The following FBXO42 variants were observed in gnomAD, a reference collection of about 807,000 sequenced individuals.
FBXO42 encodes the protein F-box protein 42.
A neutral mutation model predicts 71.7 loss-of-function variants in FBXO42; 12 were observed. The observed-to-expected ratio is 0.17, with a 90% CI of 0.11 to 0.27. The LOEUF is 0.27. Among genes scored for constraint, FBXO42 ranks in the 10% least tolerant of loss-of-function variants. FBXO42 has a pLI of 1.00. For synonymous variants in FBXO42, 325 were observed against 327.5 expected, an observed-to-expected ratio of 0.99 and a Z score of 0.08; for missense variants, 707 against 911.9, an observed-to-expected ratio of 0.78 and a Z score of 2.89.
intron 4 of FBXO42, among the ~76,000 whole-genome samples, chr1:16,279,456 G>A (rs920123815): frequency 3.3e-5 from 5 of 152,096 alleles, no homozygotes; most frequent in African/African-American, 1.2e-4. Flanking sequence ...AAACAAACAG[G>A]AAGAGATATC....
At chr1:16,349,819 T>G (rs1229134478) in intron 1 of FBXO42, among the ~76,000 whole-genome samples, 1 of 152,198 alleles carries the variant, frequency 6.6e-6, no homozygotes, top group African/African-American at 2.4e-5. Context: ...CCGAGATCAT[T>G]GCACTCCAGC....
chr1:16,269,844 G>GT (rs565131273), intron 4 of FBXO42, among the ~76,000 whole-genome samples: 258 of 136,370 alleles, frequency 1.9e-3, no homozygotes, highest in Non-Finnish European at 3.2e-3. Flanking sequence ...TGTTTTCTTT[G>GT]TTTTTTCTGT....
intron 3 of FBXO42, among the ~76,000 whole-genome samples, chr1:16,299,783 C>T (rs6603852): frequency 0.35 from 52,993 of 151,788 alleles, 9,721 homozygotes; most frequent in African/African-American, 0.41. Context: ...TAGTTTGGAC[C>T]ACAGGCACGC....
intron 4 of FBXO42, among the ~76,000 whole-genome samples, chr1:16,277,673 C>T (rs1047472003): frequency 3.4e-5 from 5 of 148,666 alleles, no homozygotes; most frequent in Admixed American, 2.0e-4. Context: ...TGCAATGAGC[C>T]GAAATTCGCC....
intron 1 of FBXO42, among the ~76,000 whole-genome samples, chr1:16,337,523 C>A (rs2082562205): frequency 6.6e-6 from 1 of 152,098 alleles, no homozygotes; most frequent in Admixed American, 6.6e-5. Flanking sequence ...TCATAGGACT[C>A]CATTTATTCT....
rs779738744 is a variant in FBXO42, at chr1:16,251,033, T to A, written c.1791A>T (p.Glu597Asp). Residue 597 changes from glutamate to aspartate, a missense_variant, in exon 10 of 10, where the codon GAA becomes GAT. By Grantham distance (45) the Glu-to-Asp change is conservative. Coordinates refer to ENST00000375592, the MANE Select transcript of FBXO42 (RefSeq NM_018994.3). The surrounding 1 kb of genome is among the most constrained non-coding windows in gnomAD (Gnocchi z 4.5). Reference sequence around the variant, plus strand: ...GCCCTGGGCGAGGGATGGGCACTGTTTCTCCACTGCTCAAACTCTGGCTCC... The same window carrying A: ...GCCCTGGGCGAGGGATGGGCACTGTATCTCCACTGCTCAAACTCTGGCTCC... ...SPGSQSLSSG[E>D]TVPIPRPGPA... The A allele has an allele frequency of 6.2e-7, 1 of 1,614,190 alleles. No individual in the cohort carries two copies. The highest frequency in any genetic ancestry group is 1.1e-5 in the South Asian group (1 of 91,086).
intron 2 of FBXO42, among the ~76,000 whole-genome samples, chr1:16,313,143 TC>T (rs1218644256): frequency 6.7e-6 from 1 of 149,846 alleles, no homozygotes; most frequent in African/African-American, 2.4e-5. Flanking sequence ...CTAAAAGTGC[TC>T]TTTAAAAAAA....
At chr1:16,322,836 T>C (rs1029311104) in intron 1 of FBXO42, among the ~76,000 whole-genome samples, 4 of 152,180 alleles carry the variant, frequency 2.6e-5, no homozygotes, top group East Asian at 1.9e-4. Flanking sequence ...AGATAGTAGA[T>C]ATCAAGAAAC....
chr1:16,305,920 C>T lies in FBXO42; in HGVS notation c.251-1G>A. On this transcript the variant is annotated splice_acceptor_variant, in intron 2 of 9. Transcript: ENST00000375592. LOFTEE classifies it high-confidence loss of function. ...CCATGATAACACTGATGGGCTACAC[C>T]TAAGACAGAAAGAGCAAACCCTTCA... 1.2e-6 allele frequency: 2 copies of T among 1,610,066 alleles called. No individual in the cohort carries two copies. The highest frequency in any genetic ancestry group is 1.7e-6 in the Non-Finnish European group (2 of 1,176,410).
Position 16,315,315 on chromosome 1 carries a change from ACTGGGT to A in FBXO42, c.98_103del (p.His33_Val35delinsLeu). The A allele has an allele frequency of 6.2e-7, 1 of 1,614,036 alleles. No individual in the cohort carries two copies. The highest frequency in any genetic ancestry group is 8.5e-7 in the Non-Finnish European group (1 of 1,180,010). On this transcript the variant is annotated inframe_deletion, in exon 2 of 10. Transcript: ENST00000375592. Reference sequence around the variant, plus strand: ...ATGTCTAGTCTCCTCAGCCTCCAATACTGGGTGGGGCTCCTCATCTTGATCCATTGT... The same window carrying A: ...ATGTCTAGTCTCCTCAGCCTCCAATAGGGGCTCCTCATCTTGATCCATTGT...
rs181921079 is a variant in FBXO42 at position 16,315,103 on chromosome 1, T to C, written c.250+66A>G. 7 of 1,519,996 alleles carry C rather than the reference T, an allele frequency of 4.6e-6. No homozygotes were observed. In the African/African-American group the frequency reaches 5.5e-5, roughly 12 times the overall value. The allele number at this position is 1,519,996 out of a possible 1,614,324, so 94.2% of individuals were successfully genotyped here. ...TTTAAGGGAGGAAAAAAACTAAATT[T>C]GGAGTCTAAAAATAAATCAGTGAAA... On this transcript the variant is annotated intron_variant, in intron 2 of 9. Coordinates refer to ENST00000375592, the MANE Select transcript of FBXO42 (RefSeq NM_018994.3).
chr1:16,350,757 A>AGAAAGAAAGAAAG (rs1553156684), intron 1 of FBXO42, among the ~76,000 whole-genome samples: 16 of 44,266 alleles, frequency 3.6e-4, no homozygotes, highest in Non-Finnish European at 6.2e-4. Flanking sequence ...AAAAAAAAAA[A>AGAAAGAAAGAAAG]AAAGAAAGAA....
intron 1 of FBXO42, among the ~76,000 whole-genome samples, chr1:16,321,784 C>T (rs1269450859): frequency 6.6e-6 from 1 of 151,906 alleles, no homozygotes; most frequent in Non-Finnish European, 1.5e-5. Context: ...CCTTGAACTC[C>T]TAGGCTCAAG....
chr1:16,247,563 CTTTAT>C lies in FBXO42; in HGVS notation c.*3102_*3106del, dbSNP rs931734420. 1.2e-4 allele frequency: 18 copies of C among 152,286 alleles called. No individual in the cohort carries two copies. The highest frequency in any genetic ancestry group is 4.1e-4 in the African/African-American group (17 of 41,552). The allele number at this position is 152,286 out of a possible 1,614,324, so 9.4% of individuals were successfully genotyped here. A position where few individuals can be genotyped will look rare whatever the true frequency, so the allele number is the denominator to read the frequency against. On this transcript the variant is annotated 3_prime_UTR_variant, in exon 10 of 10. Transcript: ENST00000375592. ...TTCTTCCTCCTCCTCCTCCTCTTTT[CTTTAT>C]TTTAAAGAGTTCCAACACAGTTCCT...
chr1:16,276,685 G>T (rs2081907358), intron 4 of FBXO42, among the ~76,000 whole-genome samples: 1 of 152,214 alleles, frequency 6.6e-6, no homozygotes, highest in South Asian at 2.1e-4. Flanking sequence ...CATATGAAAT[G>T]AAATTTATTG....
chr1:16,349,214 G>C (rs2082678437), intron 1 of FBXO42, among the ~76,000 whole-genome samples: 1 of 152,098 alleles, frequency 6.6e-6, no homozygotes, highest in Non-Finnish European at 1.5e-5. Flanking sequence ...CAGAATAATA[G>C]GAAAGGTTGG....
chr1:16,271,228 A>G (rs1312730162), intron 4 of FBXO42, among the ~76,000 whole-genome samples: 5 of 149,848 alleles, frequency 3.3e-5, no homozygotes, highest in African/African-American at 9.9e-5. Flanking sequence ...CCATACTTTG[A>G]TCCCTAACTA....
Position 16,249,498 on chromosome 1 carries a change from G to C in FBXO42, c.*1172C>G, listed in dbSNP as rs1314974786. 3.3e-5 allele frequency: 5 copies of C among 152,316 alleles called. No homozygotes were observed. In the East Asian group the frequency reaches 9.6e-4, roughly 29 times the overall value. The allele number at this position is 152,316 out of a possible 1,614,324, so 9.4% of individuals were successfully genotyped here. ...AACATTTCTAAAAAGAACTGTTATT[G>C]GAATTCCCTTCCAGAATCAATTTCC... On this transcript the variant is annotated 3_prime_UTR_variant, in exon 10 of 10. Transcript: ENST00000375592.
intron 1 of FBXO42, among the ~76,000 whole-genome samples, chr1:16,317,170 C>T (rs2082375532): frequency 6.6e-6 from 1 of 152,124 alleles, no homozygotes; most frequent in African/African-American, 2.4e-5. Context: ...GTAATCCCAG[C>T]ACTTTGGGAG....
Sources: gnomAD v4.1 joint callset for allele counts (sites outside exome capture counted in the v4.1 genomes callset) on GRCh38, gnomAD v4.1.1 for gene constraint, Gnocchi (gnomAD v3.1) non-coding constraint, MANE v1.5 for transcripts, NCBI Gene and HGNC (gene_info 2026-07-23, HGNC 2026-07-21) for gene names.